The following CYP3A5 variants were observed in gnomAD, a reference collection of about 807,000 sequenced individuals.
CYP3A5 encodes cytochrome P450 3A5.
A neutral mutation model predicts 55.9 loss-of-function variants in CYP3A5; 51 were observed. The observed-to-expected ratio is 0.91, with a 90% CI of 0.73 to 1.15. The LOEUF (loss-of-function observed/expected upper bound fraction) is 1.15, where lower values mean the gene tolerates loss of function less well. CYP3A5 is among the 50% of genes most tolerant of loss of function. The probability of loss-of-function intolerance (pLI) is 0.00; values close to 1 mark genes in which losing one functional copy is unlikely to be tolerated. For synonymous variants in CYP3A5, 196 were observed against 213.9 expected, an observed-to-expected ratio of 0.92 and a Z score of 0.73; for missense variants, 533 against 596.6, an observed-to-expected ratio of 0.89 and a Z score of 1.11.
intron 1 of CYP3A5, among the ~76,000 whole-genome samples, chr7:99,678,381 A>G (rs949316805): frequency 2.6e-5 from 4 of 152,232 alleles, no homozygotes; most frequent in Admixed American, 1.3e-4. Flanking sequence ...AGCCTTTGCT[A>G]TCGTCACTGG....
chr7:99,675,579 G>T (rs1038789636), intron 2 of CYP3A5, among the ~76,000 whole-genome samples: 31 of 136,114 alleles, frequency 2.3e-4, no homozygotes, highest in Admixed American at 2.2e-3. Context: ...CATGCTTTGG[G>T]TGGAGCCTAC....
At chr7:99,654,050 A>C (rs77129191) in intron 10 of CYP3A5, among the ~76,000 whole-genome samples, 4,759 of 152,096 alleles carry the variant, frequency 0.031, 242 homozygotes, top group African/African-American at 0.11. Flanking sequence ...TGTGAGCAAT[A>C]AATGCTTCTC....
chr7:99,678,177 G>C (rs1001064188), intron 1 of CYP3A5, among the ~76,000 whole-genome samples: 4 of 152,198 alleles, frequency 2.6e-5, no homozygotes, highest in African/African-American at 4.8e-5. Flanking sequence ...GTAGTGACCG[G>C]CCCACAACAT....
chr7:99,657,008 T>C (rs1809811196), intron 10 of CYP3A5, among the ~76,000 whole-genome samples: 1 of 152,228 alleles, frequency 6.6e-6, no homozygotes, highest in African/African-American at 2.4e-5. Context: ...TCTATCAATT[T>C]TGTTGATCTT....
intron 6 of CYP3A5, among the ~76,000 whole-genome samples, chr7:99,666,220 C>T (rs761820095): frequency 1.3e-5 from 2 of 152,190 alleles, no homozygotes; most frequent in Non-Finnish European, 2.9e-5. Flanking sequence ...CCCATTGTAA[C>T]TTTCCCATCT....
At chr7:99,668,891 G>A (rs190054699) in intron 4 of CYP3A5, among the ~76,000 whole-genome samples, 1 of 152,200 alleles carries the variant, frequency 6.6e-6, no homozygotes, top group Non-Finnish European at 1.5e-5. Flanking sequence ...TGTGTTTGTG[G>A]CAATTTGGCA....
At position 99,650,186 on chromosome 7, in the gene CYP3A5, A is replaced by T; in HGVS notation, c.1300T>A (p.Phe434Ile). Residue 434 changes from phenylalanine to isoleucine, a missense_variant, in exon 12 of 13, where the codon TTT becomes ATT. Physicochemically the swap from Phe to Ile is conservative, Grantham distance 21. Transcript: ENST00000222982. ...ATGCAGTTTCTGGGTCCAGTTCCAA[A>T]GGGTGTGTATATGTAAGGATCTATG... Reference protein sequence around the residue: ...DSIDPYIYTPFGTGPRNCIGM... With the variant: ...DSIDPYIYTPIGTGPRNCIGM... 1 of 1,614,076 alleles carries T rather than the reference A, an allele frequency of 6.2e-7. No homozygotes were observed. Among genetic ancestry groups the T allele is most frequent in the Middle Eastern group, 1.6e-4 (1 of 6,062 alleles).
rs1383436862 is a variant in CYP3A5, at chr7:99,662,905, C to A, written c.799-23G>T. ...GTGCTAGAAGCAAAAGGAGAGATTTCTTTGGCAGAAAGTGACTCGTGAAGT... is the reference window on the plus strand; with the variant it reads ...GTGCTAGAAGCAAAAGGAGAGATTTATTTGGCAGAAAGTGACTCGTGAAGT... On this transcript the variant is annotated intron_variant, in intron 8 of 12. Coordinates refer to ENST00000222982, the MANE Select transcript of CYP3A5 (RefSeq NM_000777.5). The surrounding 1 kb of genome is among the most constrained non-coding windows in gnomAD (Gnocchi z 4.3). 2 of 1,613,144 alleles carry A rather than the reference C, an allele frequency of 1.2e-6. No individual in the cohort carries two copies. Among genetic ancestry groups the A allele is most frequent in the East Asian group, 2.2e-5 (1 of 44,840 alleles).
In CYP3A5 at chr7:99,652,615, T is replaced by G. The variant is rs200628208; in HGVS notation, c.1191A>C (p.Pro397=). ...TTGGGTCATGGTGAAGAGCATAAGT[T>G]GGAATCACCACCATTGACCCTTTGG... ...FIPKGSMVVI[P]TYALHHDPKY... Residue 397 remains proline, a synonymous_variant, in exon 11 of 13, where the codon CCA becomes CCC. Transcript: ENST00000222982. 186 of 1,613,988 alleles carry G rather than the reference T, an allele frequency of 1.2e-4. No individual in the cohort carries two copies. The highest frequency in any genetic ancestry group is 1.5e-4 in the Non-Finnish European group (174 of 1,179,988).
intron 4 of CYP3A5, chr7:99,671,100 A>G (rs1811563567): frequency 6.6e-6 from 1 of 150,912 alleles, no homozygotes; most frequent in African/African-American, 2.4e-5. Flanking sequence ...ATATAATGAA[A>G]ACTATACACA....
chr7:99,659,804 C>T (rs1810212188), intron 10 of CYP3A5: 1 of 153,332 alleles, frequency 6.5e-6, no homozygotes, highest in African/African-American at 2.4e-5. Flanking sequence ...CTTGCTGCTG[C>T]CTTGCAGTTC....
chr7:99,674,652 G>A (rs1417778057), intron 2 of CYP3A5, 67 bp from the exon 3 acceptor site: 10 of 1,387,806 alleles, frequency 7.2e-6, no homozygotes, highest in African/African-American at 2.9e-5. Flanking sequence ...CTCTAATTGG[G>A]GCTGAAAACA....
At chr7:99,663,894 A>G in intron 8 of CYP3A5, 74 bp downstream of exon 8, 5 of 1,491,926 alleles carry the variant, frequency 3.4e-6, no homozygotes, top group Non-Finnish European at 3.5e-6. Context: ...ATACAGATAC[A>G]TGCTCTATCA....
Position 99,652,539 on chromosome 7 carries a change from C to G in CYP3A5, c.1253+14G>C. Reference sequence around the variant, plus strand: ...CTGGGTCAGGGTGAGCTCCATTTCCCTGGAGACTTGTACCTTTCAGGGCGG... The same window carrying G: ...CTGGGTCAGGGTGAGCTCCATTTCCGTGGAGACTTGTACCTTTCAGGGCGG... On this transcript the variant is annotated intron_variant, in intron 11 of 12. Transcript: ENST00000222982. 1 of 1,578,566 alleles carries G rather than the reference C, an allele frequency of 6.3e-7. No homozygotes were observed.
chr7:99,651,428 C>T (rs771898441), intron 11 of CYP3A5, among the ~76,000 whole-genome samples: 57 of 152,122 alleles, frequency 3.7e-4, no homozygotes, highest in African/African-American at 1.3e-3. Flanking sequence ...TGAAGTACAG[C>T]GAGTGGTCTC....
intron 7 of CYP3A5, 84 bp from the exon 8 acceptor site, chr7:99,664,179 A>G: frequency 9.1e-7 from 1 of 1,098,410 alleles, no homozygotes; most frequent in Non-Finnish European, 1.3e-6. Context: ...TCTACCAGTA[A>G]TAAGAATAAG....
rs746170528 is a variant in CYP3A5 at position 99,674,610 on chromosome 7, T to C, written c.166-25A>G. The C allele has an allele frequency of 3.1e-6, 5 of 1,599,002 alleles. No individual in the cohort carries two copies. In the East Asian group the frequency reaches 6.7e-5, roughly 21 times the overall value. On this transcript the variant is annotated intron_variant, in intron 2 of 12. Transcript: ENST00000222982. ...CCTGGGAGAGGAAACAAAATACAAG[T>C]TGATTATTATTTTAAATAGAATAAA...
Position 99,662,033 on chromosome 7 carries a change from GAGAT to G in CYP3A5, c.865+779_865+782del, listed in dbSNP as rs1411256277. On this transcript the variant is annotated intron_variant, in intron 9 of 12. Coordinates refer to ENST00000222982, the MANE Select transcript of CYP3A5 (RefSeq NM_000777.5). This position sits in a 1 kb window ranked among gnomAD's most constrained non-coding sequence, Gnocchi z 4.3. Reference sequence around the variant, plus strand: ...TTTCTTTATCACAGCAAGTTTTGTTGAGATAGATAGATGATTAATTGATAAATTA... The same window carrying G: ...TTTCTTTATCACAGCAAGTTTTGTTGAGATAGATGATTAATTGATAAATTA... 2.0e-5 allele frequency among the ~76,000 whole-genome samples: 3 copies of G among 152,190 alleles called. No individual in the cohort carries two copies. Among genetic ancestry groups the G allele is most frequent in the South Asian group, 4.1e-4 (2 of 4,828 alleles).
chr7:99,672,139 C>T (rs758117178), intron 4 of CYP3A5, among the ~76,000 whole-genome samples: 2 of 152,098 alleles, frequency 1.3e-5, no homozygotes, highest in Non-Finnish European at 2.9e-5. Flanking sequence ...GCAACCTCCG[C>T]CTCCCAGGTT....
Sources: allele counts gnomAD v4.1 joint callset (sites outside exome capture counted in the v4.1 genomes callset), GRCh38; gene constraint gnomAD v4.1.1; non-coding constraint Gnocchi (gnomAD v3.1); transcripts MANE v1.5; gene names NCBI Gene and HGNC (gene_info 2026-07-23, HGNC 2026-07-21).